SCFD1: variants seen among roughly 807,000 people sequenced by gnomAD.
SCFD1 encodes the protein sec1 family domain containing 1.
Under a neutral mutation model 103.2 loss-of-function variants are expected in SCFD1, and 37 were observed. The observed-to-expected ratio is 0.36, with a 90% CI of 0.28 to 0.47. The LOEUF is 0.47. Among genes scored for constraint, SCFD1 ranks in the 20% least tolerant of loss-of-function variants. The pLI is 1.00. For synonymous variants in SCFD1, 264 were observed against 245.0 expected (o/e 1.08, Z -0.73); for missense variants, 639 against 761.2 (o/e 0.84, Z 1.89).
chr14:30,647,044 A>G (rs1236658200), intron 7 of SCFD1, among the ~76,000 whole-genome samples: 1 of 151,808 alleles, frequency 6.6e-6, no homozygotes, highest in African/African-American at 2.4e-5. Context: ...TATCTTGTTT[A>G]TTCTTTCAAA....
chr14:30,722,619 C>T, intron 23 of SCFD1, 60 bp downstream of exon 23: 1 of 1,035,890 alleles, frequency 9.7e-7, no homozygotes, highest in Non-Finnish European at 1.4e-6. Context: ...AGAACACTAG[C>T]ATACTCTGAT....
chr14:30,707,943 G>C (rs1891589091), intron 18 of SCFD1, 47 bp from the exon 19 acceptor site: 2 of 1,233,052 alleles, frequency 1.6e-6, no homozygotes, highest in Admixed American at 3.4e-5. Context: ...ACAGATTGGA[G>C]AGGCACTTTG....
chr14:30,699,296 T>C (rs1393115612), intron 15 of SCFD1, among the ~76,000 whole-genome samples: 2 of 152,236 alleles, frequency 1.3e-5, no homozygotes, highest in African/African-American at 2.4e-5. Flanking sequence ...TCAGTCATTA[T>C]GTTTTGAAGA....
intron 20 of SCFD1, among the ~76,000 whole-genome samples, 192 bp from the exon 21 acceptor site, chr14:30,719,133 T>C (rs1324757901): frequency 6.6e-6 from 1 of 152,168 alleles, no homozygotes; most frequent in Non-Finnish European, 1.5e-5. Flanking sequence ...TAGACCATTA[T>C]TAGGATTGAG....
At chr14:30,680,744 T>G (rs181654686) in intron 14 of SCFD1, among the ~76,000 whole-genome samples, 9 of 152,234 alleles carry the variant, frequency 5.9e-5, no homozygotes, top group African/African-American at 2.2e-4. Flanking sequence ...TTGACCAACA[T>G]AGCAAGACCC....
chr14:30,713,793 G>A (rs1032218922), intron 19 of SCFD1, among the ~76,000 whole-genome samples: 2 of 151,980 alleles, frequency 1.3e-5, no homozygotes, highest in African/African-American at 2.4e-5. Context: ...CTCAATTTTC[G>A]TAAAATTTTA....
At chr14:30,666,637 A>G (rs1887999295) in intron 10 of SCFD1, among the ~76,000 whole-genome samples, 1 of 152,194 alleles carries the variant, frequency 6.6e-6, no homozygotes, top group Non-Finnish European at 1.5e-5. Context: ...AAGATCAACA[A>G]AATTGATAGA....
At chr14:30,673,492 A>G in intron 12 of SCFD1, 145 bp downstream of exon 12, 1 of 503,920 alleles carries the variant, frequency 2.0e-6, no homozygotes, top group East Asian at 3.1e-5. Context: ...GTAAGTGATC[A>G]AAAAGAAATC....
At chr14:30,633,193 G>C (rs1042110096) in intron 3 of SCFD1, among the ~76,000 whole-genome samples, 1 of 152,202 alleles carries the variant, frequency 6.6e-6, no homozygotes, top group African/African-American at 2.4e-5. Flanking sequence ...AGTGGCAACA[G>C]TTATTAAACA....
At chr14:30,627,043 A>G (rs1311421114) in intron 1 of SCFD1, among the ~76,000 whole-genome samples, 2 of 152,224 alleles carry the variant, frequency 1.3e-5, no homozygotes, top group Admixed American at 1.3e-4. Context: ...TGTTTTTAAC[A>G]ATCAACCAAG....
chr14:30,718,191 T>C (rs1282319203), intron 20 of SCFD1, among the ~76,000 whole-genome samples: 5 of 152,178 alleles, frequency 3.3e-5, no homozygotes, highest in Admixed American at 6.5e-5. Context: ...AACCAAGAAA[T>C]GTTGTGACTT....
chr14:30,712,582 TA>T (rs1566653996), intron 19 of SCFD1, among the ~76,000 whole-genome samples: 1 of 152,216 alleles, frequency 6.6e-6, no homozygotes, highest in African/African-American at 2.4e-5. Flanking sequence ...TGTTTTTACC[TA>T]AGCTTTTCCG....
chr14:30,623,785 T>C (rs1402313999), intron 1 of SCFD1, among the ~76,000 whole-genome samples: 2 of 152,212 alleles, frequency 1.3e-5, no homozygotes, highest in Non-Finnish European at 2.9e-5. Flanking sequence ...CTAGATCTAT[T>C]TTTTATCAAA....
chr14:30,690,641 G>T (rs1594706635), intron 14 of SCFD1, among the ~76,000 whole-genome samples: 1 of 146,522 alleles, frequency 6.8e-6, no homozygotes, highest in Non-Finnish European at 1.5e-5. Flanking sequence ...CGCTTCCCAG[G>T]TGAGGCAATG....
chr14:30,660,027 A>G (rs1324376862), intron 10 of SCFD1, among the ~76,000 whole-genome samples: 1 of 152,208 alleles, frequency 6.6e-6, no homozygotes, highest in Non-Finnish European at 1.5e-5. Flanking sequence ...ATTTTACGCA[A>G]CAAAATTAAT....
chr14:30,680,255 A>G (rs912072896), intron 14 of SCFD1, among the ~76,000 whole-genome samples: 37 of 152,370 alleles, frequency 2.4e-4, no homozygotes, highest in African/African-American at 8.7e-4. Flanking sequence ...TCAAAACTCA[A>G]TAATGAGAAA....
Position 30,735,756 on chromosome 14 carries a change from A to G in SCFD1, c.*147A>G, listed in dbSNP as rs1404229027. 6 of 560,336 alleles carry G rather than the reference A, an allele frequency of 1.1e-5. No homozygotes were observed. Among genetic ancestry groups the G allele is most frequent in the Non-Finnish European group, 1.6e-5 (5 of 317,378 alleles). The allele number at this position is 560,336 out of a possible 1,614,324, so 34.7% of individuals were successfully genotyped here. On this transcript the variant is annotated 3_prime_UTR_variant, in exon 25 of 25. Transcript: ENST00000458591. ...ATTTGTTAATTTTTAAGGAAATTAT[A>G]TACTTAATATGTATTGATTAAAAGA...
intron 15 of SCFD1, 143 bp from the exon 16 acceptor site, chr14:30,700,045 G>T: frequency 6.6e-6 from 4 of 608,222 alleles, no homozygotes; most frequent in South Asian, 2.1e-5. Flanking sequence ...ATAATTATAT[G>T]CCTGTTACCT....
chr14:30,679,744 C>T lies in SCFD1; in HGVS notation c.1242+4679C>T, dbSNP rs572579870. Among the ~76,000 whole-genome samples, 3 of 151,424 alleles carry T rather than the reference C, an allele frequency of 2.0e-5. No individual in the cohort carries two copies. The South Asian group carries it at 6.2e-4, about 31-fold the overall frequency. ...AACTGATCACTATTGCTCCTGATCA[C>T]ATTAGAGGTCTTTTACTGAACTAGA... is the stretch of plus-strand genomic sequence containing the variant. On this transcript the variant is annotated intron_variant, in intron 14 of 24. Coordinates refer to ENST00000458591, the MANE Select transcript of SCFD1 (RefSeq NM_016106.4).
Sources: allele counts gnomAD v4.1 joint callset (sites outside exome capture counted in the v4.1 genomes callset), GRCh38; gene constraint gnomAD v4.1.1; transcripts MANE v1.5; gene names NCBI Gene and HGNC (gene_info 2026-07-23, HGNC 2026-07-21).